PRR5: variants seen among roughly 807,000 people sequenced by gnomAD.
PRR5 encodes proline-rich protein 5.
Under a neutral mutation model 30.6 loss-of-function variants are expected in PRR5, and 25 were observed. The ratio of observed to expected loss-of-function variants is 0.82; its 90% CI spans 0.60 to 1.14. The LOEUF is 1.14. PRR5 is among the 50% of genes most tolerant of loss of function. The pLI is 0.00. For synonymous variants in PRR5, 286 were observed against 247.1 expected (o/e 1.16, Z -1.48); for missense variants, 600 against 547.1 (o/e 1.10, Z -0.96).
At position 44,737,395 on chromosome 22, in the gene PRR5, T is replaced by C; in HGVS notation, c.*148T>C. The C allele has an allele frequency of 7.2e-7, 1 of 1,381,540 alleles. No individual in the cohort carries two copies. The highest frequency in any genetic ancestry group is 9.5e-7 in the Non-Finnish European group (1 of 1,053,676). 85.6% of individuals were successfully genotyped at this position (1,381,540 alleles called of 1,614,324 possible). On this transcript the variant is annotated 3_prime_UTR_variant, in exon 8 of 8. Coordinates refer to ENST00000336985, the MANE Select transcript of PRR5 (RefSeq NM_181333.4). ...ACTGGCCTTGGTCACTTTGTATTTC[T>C]GTCTTGGTTGGAAATACCATCAGCC...
intron 1 of PRR5, among the ~76,000 whole-genome samples, chr22:44,683,100 C>T (rs1601953239): frequency 1.3e-5 from 2 of 152,356 alleles, no homozygotes; most frequent in South Asian, 4.1e-4. Flanking sequence ...CTGGCCTCTG[C>T]TCCCATTCAC....
intron 6 of PRR5, chr22:44,734,748 C>T (rs1268459764): frequency 7.8e-6 from 4 of 515,838 alleles, no homozygotes; most frequent in Non-Finnish European, 1.4e-5. Flanking sequence ...GTGGAAGGTG[C>T]AGAACACCCA....
At chr22:44,734,816 G>T in intron 6 of PRR5, 1 of 651,122 alleles carries the variant, frequency 1.5e-6, no homozygotes, top group Non-Finnish European at 2.6e-6. Context: ...AGATCCCGAC[G>T]CTGCTGTGAG....
chr22:44,677,651 C>T (rs948629173), intron 1 of PRR5, among the ~76,000 whole-genome samples: 8 of 152,168 alleles, frequency 5.3e-5, no homozygotes, highest in African/African-American at 1.9e-4. Context: ...CAGGGACCAG[C>T]GGGGGACATG....
In PRR5 at chr22:44,732,833, A is replaced by G. The variant is rs1302279452; in HGVS notation, c.555+442A>G. On this transcript the variant is annotated intron_variant, in intron 6 of 7. Transcript: ENST00000336985. Reference sequence around the variant, plus strand: ...ACACACTACACGTGTGCACGCACATACTACACACGTGCACACACGTGCACA... The same window carrying G: ...ACACACTACACGTGTGCACGCACATGCTACACACGTGCACACACGTGCACA... 1.6e-4 allele frequency among the ~76,000 whole-genome samples: 4 copies of G among 25,158 alleles called. 1 individual carries two copies. The East Asian group carries it at 1.7e-3, about 11-fold the overall frequency. The allele number at this position is 25,158 out of a possible 152,430, so 16.5% of individuals were successfully genotyped here.
chr22:44,730,027 G>A, intron 4 of PRR5: 1 of 985,464 alleles, frequency 1.0e-6, no homozygotes, highest in Non-Finnish European at 1.2e-6. Flanking sequence ...GGGCTACCCG[G>A]GTGGGCAGAG....
At chr22:44,729,165 A>T in intron 4 of PRR5, 1 of 419,234 alleles carries the variant, frequency 2.4e-6, no homozygotes, top group Non-Finnish European at 3.2e-6. Flanking sequence ...GTGCTGCCTT[A>T]CACGCTTGCC....
chr22:44,735,707 G>C (rs563442392), intron 7 of PRR5, among the ~76,000 whole-genome samples: 9 of 152,300 alleles, frequency 5.9e-5, no homozygotes, highest in Middle Eastern at 3.4e-3. Flanking sequence ...TCCCGCGGGG[G>C]AGGCCGACCA....
intron 1 of PRR5, among the ~76,000 whole-genome samples, chr22:44,709,673 G>A (rs1248093370): frequency 6.6e-6 from 1 of 152,122 alleles, no homozygotes; most frequent in African/African-American, 2.4e-5. Context: ...CCAACATGGT[G>A]GAACCCCATC....
chr22:44,695,174 AAATAAT>A (rs1370344815), intron 1 of PRR5, among the ~76,000 whole-genome samples: 1 of 152,166 alleles, frequency 6.6e-6, no homozygotes, highest in Non-Finnish European at 1.5e-5. Context: ...CTGTCTCAAA[AAATAAT>A]AATAAAATAA....
chr22:44,704,829 A>G (rs922234972), intron 1 of PRR5, among the ~76,000 whole-genome samples: 1 of 152,084 alleles, frequency 6.6e-6, no homozygotes, highest in Non-Finnish European at 1.5e-5. Context: ...CCTCCCCAGC[A>G]GATGTGGGAG....
intron 4 of PRR5, among the ~76,000 whole-genome samples, chr22:44,727,624 C>T (rs188642944): frequency 6.6e-6 from 1 of 152,336 alleles, no homozygotes; most frequent in East Asian, 1.9e-4. Context: ...GGGTGCCAAG[C>T]AGGCCACCGG....
chr22:44,720,214 A>C (rs1353407998), intron 2 of PRR5, among the ~76,000 whole-genome samples: 3 of 152,244 alleles, frequency 2.0e-5, no homozygotes, highest in African/African-American at 7.2e-5. Flanking sequence ...GCAGCCTGTC[A>C]GCAGCAGGTC....
intron 4 of PRR5, among the ~76,000 whole-genome samples, chr22:44,726,870 C>T (rs554395796): frequency 5.9e-5 from 9 of 152,298 alleles, no homozygotes; most frequent in East Asian, 3.9e-4. Flanking sequence ...TATGAGACAT[C>T]GGGGAAAAGC....
chr22:44,731,210 C>CGGTGGTCGCCGTATCATTAAA, intron 4 of PRR5: 1 of 265,332 alleles, frequency 3.8e-6, no homozygotes, highest in Non-Finnish European at 7.5e-6. Flanking sequence ...GTGTAGGTCT[C>CGGTGGTCGCCGTATCATTAAA]ACCTGTGCCA....
upstream of PRR5, among the ~76,000 whole-genome samples, chr22:44,699,624 C>T (rs1429718883): frequency 6.6e-6 from 1 of 152,216 alleles, no homozygotes. Flanking sequence ...GGCACGGGGA[C>T]TGTAGCAGTG....
intron 4 of PRR5, 123 bp from the exon 5 acceptor site, chr22:44,731,607 G>C (rs1389947783): frequency 3.3e-6 from 3 of 906,036 alleles, no homozygotes; most frequent in Non-Finnish European, 5.4e-6. Context: ...ACCTTGGGCA[G>C]GTGCTGCCAG....
chr22:44,686,686 T>G (rs1380139956), intron 1 of PRR5, among the ~76,000 whole-genome samples: 1 of 152,188 alleles, frequency 6.6e-6, no homozygotes, highest in African/African-American at 2.4e-5. Context: ...CAGCTAATTT[T>G]TGTATTTTTA....
At chr22:44,719,760 C>T (rs1003209121) in intron 2 of PRR5, among the ~76,000 whole-genome samples, 8 of 152,164 alleles carry the variant, frequency 5.3e-5, no homozygotes, top group South Asian at 2.1e-4. Context: ...GAGCTGGGGC[C>T]GCCTGCTCCC....
Sources: gnomAD v4.1 joint callset for allele counts (sites outside exome capture counted in the v4.1 genomes callset) on GRCh38, gnomAD v4.1.1 for gene constraint, MANE v1.5 for transcripts, NCBI Gene and HGNC (gene_info 2026-07-23, HGNC 2026-07-21) for gene names.